Variants in GLIS3 observed in about 807,000 individuals in gnomAD.
The protein encoded by GLIS3 is zinc finger protein GLIS3.
Under a neutral mutation model 78.6 loss-of-function variants are expected in GLIS3, and 53 were observed. The observed-to-expected ratio is 0.67, with a 90% CI of 0.54 to 0.85. The LOEUF (loss-of-function observed/expected upper bound fraction) is 0.85, where lower values mean the gene tolerates loss of function less well. GLIS3 is among the 40% of genes least tolerant of loss of function. The pLI, the probability that GLIS3 is intolerant of heterozygous loss-of-function variation, is 0.00. For missense variants in GLIS3, 1,703 were observed against 1,231.1 expected, an observed-to-expected ratio of 1.38 and a Z score of -5.74; for synonymous variants, 684 against 509.9, an observed-to-expected ratio of 1.34 and a Z score of -4.60.
At chr9:4,466,793 G>A in the GLIS3 span, among the ~76,000 whole-genome samples, 1 of 152,236 alleles carries the variant, frequency 6.6e-6, no homozygotes, top group Non-Finnish European at 1.5e-5. Context: ...GTCAGACAGT[G>A]GGTGCAGCCC....
At chr9:4,311,278 A>G (rs938410587) in intron 2 of GLIS3, among the ~76,000 whole-genome samples, 5 of 152,216 alleles carry the variant, frequency 3.3e-5, no homozygotes, top group East Asian at 1.9e-4. Flanking sequence ...GCGTGGTGGC[A>G]CATGCCTGTA....
At position 4,083,401 on chromosome 9, in the gene GLIS3, G is replaced by A. The variant is rs191062045; in HGVS notation, c.1710+34367C>T. Among the ~76,000 whole-genome samples, 7 of 152,094 alleles carry A rather than the reference G, an allele frequency of 4.6e-5. No individual in the cohort carries two copies. The East Asian group carries it at 5.8e-4, about 13-fold the overall frequency. On this transcript the variant is annotated intron_variant, in intron 4 of 10. Coordinates refer to ENST00000381971, the MANE Select transcript of GLIS3 (RefSeq NM_001042413.2). ...TCTAGGTAGCTGCTACTAGATACAT[G>A]GAATTTAAATACTAGGTGAAATGCA...
At chr9:3,968,504 T>C (rs1480249286) in intron 4 of GLIS3, among the ~76,000 whole-genome samples, 1 of 152,194 alleles carries the variant, frequency 6.6e-6, no homozygotes, top group African/African-American at 2.4e-5. Context: ...CTATACAAAA[T>C]GCTTAACAGT....
chr9:3,927,856 A>G (rs1402786311), intron 6 of GLIS3, among the ~76,000 whole-genome samples: 3 of 152,254 alleles, frequency 2.0e-5, no homozygotes, highest in Admixed American at 6.5e-5. Flanking sequence ...AATCACTGCT[A>G]TTGGCACAGG....
At chr9:4,335,816 T>C (rs1057360296) in intron 2 of GLIS3, among the ~76,000 whole-genome samples, 2 of 152,186 alleles carry the variant, frequency 1.3e-5, no homozygotes, top group Admixed American at 6.5e-5. Flanking sequence ...CCTTCCCCCA[T>C]TGAACCAGAT....
intron 7 of GLIS3, among the ~76,000 whole-genome samples, chr9:3,894,856 T>C (rs1490098869): frequency 6.6e-6 from 1 of 152,202 alleles, no homozygotes; most frequent in Admixed American, 6.5e-5. Context: ...TTCTCGTAGA[T>C]TTCTCTTGTT....
At chr9:4,485,410 C>T in the GLIS3 span, among the ~76,000 whole-genome samples, 1 of 152,116 alleles carries the variant, frequency 6.6e-6, no homozygotes, top group Non-Finnish European at 1.5e-5. Context: ...TGTAGCCCCA[C>T]CCCAGAGACC....
chr9:4,322,902 G>A (rs927008758), intron 2 of GLIS3, among the ~76,000 whole-genome samples: 56 of 152,280 alleles, frequency 3.7e-4, no homozygotes, highest in South Asian at 3.1e-3. Flanking sequence ...CTGTGCAGAA[G>A]CTCTTTAGTT....
chr9:3,888,502 A>C (rs1392636687), intron 7 of GLIS3, among the ~76,000 whole-genome samples: 1 of 152,138 alleles, frequency 6.6e-6, no homozygotes, highest in Non-Finnish European at 1.5e-5. Context: ...CTATCAATCA[A>C]CTCTGAACTC....
At chr9:3,899,708 A>G (rs1212120874) in intron 6 of GLIS3, among the ~76,000 whole-genome samples, 1 of 152,236 alleles carries the variant, frequency 6.6e-6, no homozygotes, top group Non-Finnish European at 1.5e-5. Flanking sequence ...AAACCTTTAG[A>G]TATAGAGCTA....
At chr9:4,080,142 C>T (rs929176235) in intron 4 of GLIS3, among the ~76,000 whole-genome samples, 2 of 152,188 alleles carry the variant, frequency 1.3e-5, no homozygotes, top group African/African-American at 4.8e-5. Flanking sequence ...GGTTGAAAAC[C>T]GTGTGCTGTG....
At chr9:4,269,594 A>T (rs1388004859) in intron 2 of GLIS3, among the ~76,000 whole-genome samples, 3 of 152,202 alleles carry the variant, frequency 2.0e-5, no homozygotes, top group Non-Finnish European at 4.4e-5. Context: ...TTATCTAACT[A>T]CATCATTATG....
chr9:4,416,812 G>GCTT, the GLIS3 span, among the ~76,000 whole-genome samples: 3 of 95,806 alleles, frequency 3.1e-5, no homozygotes, highest in South Asian at 1.3e-3. Context: ...CCCATAGTCA[G>GCTT]TTTTTTTTTT....
the GLIS3 span, among the ~76,000 whole-genome samples, chr9:4,487,850 G>GATTATT: frequency 1.3e-5 from 2 of 152,100 alleles, no homozygotes; most frequent in East Asian, 3.9e-4. Context: ...ATCATGGCCA[G>GATTATT]ATTATTATTA....
At chr9:3,900,187 A>T (rs1002766496) in intron 6 of GLIS3, among the ~76,000 whole-genome samples, 20 of 83,720 alleles carry the variant, frequency 2.4e-4, no homozygotes, top group Non-Finnish European at 5.2e-4. Context: ...AGAAACTGTT[A>T]AAAAAAAAAA....
rs1238029115 is a variant in GLIS3, at chr9:3,953,764, TCTCTCTCTCTCTCTCTCTCTCTCTC to T, written c.1711-16600_1711-16576del. Among the ~76,000 whole-genome samples the T allele has an allele frequency of 1.8e-3, 89 of 49,762 alleles. 1 individual carries two copies. Among genetic ancestry groups the T allele is most frequent in the African/African-American group, 5.8e-3 (87 of 14,942 alleles). The allele number at this position is 49,762 out of a possible 152,430, so 32.6% of individuals were successfully genotyped here. A position where few individuals can be genotyped will look rare whatever the true frequency, so the allele number is the denominator to read the frequency against. On this transcript the variant is annotated intron_variant, in intron 4 of 10. Transcript: ENST00000381971. ...TTGCCAATGATAATTAGATTTGCTC[TCTCTCTCTCTCTCTCTCTCTCTCTC>T]TCTCTCTATATATATATATATATAT...
intron 2 of GLIS3, among the ~76,000 whole-genome samples, chr9:4,223,931 C>A (rs1392441258): frequency 6.7e-6 from 1 of 149,904 alleles, no homozygotes; most frequent in East Asian, 2.0e-4. Flanking sequence ...GAAAACAAAA[C>A]AAACAAATAA....
chr9:4,220,295 G>T (rs1238085422), intron 2 of GLIS3, among the ~76,000 whole-genome samples: 2 of 152,152 alleles, frequency 1.3e-5, no homozygotes, highest in African/African-American at 2.4e-5. Context: ...AGAGCAGAGG[G>T]TAAAAGTTTG....
intron 7 of GLIS3, among the ~76,000 whole-genome samples, chr9:3,888,140 G>T (rs1822199976): frequency 6.6e-6 from 1 of 152,258 alleles, no homozygotes; most frequent in Non-Finnish European, 1.5e-5. Context: ...AAAAAAAGGA[G>T]AAAGACGGGG....
Sources: gnomAD v4.1 joint callset for allele counts (sites outside exome capture counted in the v4.1 genomes callset) on GRCh38, gnomAD v4.1.1 for gene constraint, MANE v1.5 for transcripts, NCBI Gene and HGNC (gene_info 2026-07-23, HGNC 2026-07-21) for gene names.